Variants in LRMDA observed in about 807,000 individuals in gnomAD.
LRMDA encodes the protein leucine-rich melanocyte differentiation-associated protein.
A neutral mutation model predicts 29.8 loss-of-function variants in LRMDA; 18 were observed. The ratio of observed to expected loss-of-function variants is 0.60; its 90% CI spans 0.42 to 0.90. The LOEUF (loss-of-function observed/expected upper bound fraction) is 0.90, where lower values mean the gene tolerates loss of function less well. LRMDA is among the 40% of genes least tolerant of loss of function. The pLI, the probability that LRMDA is intolerant of heterozygous loss-of-function variation, is 0.00. For missense variants in LRMDA, 273 were observed against 273.9 expected (o/e 1.00, Z 0.02); for synonymous variants, 125 against 109.4 (o/e 1.14, Z -0.89).
chr10:75,479,279 G>A (rs944022590), intron 2 of LRMDA, among the ~76,000 whole-genome samples: 5 of 152,030 alleles, frequency 3.3e-5, no homozygotes, highest in African/African-American at 1.2e-4. Context: ...AGGCCGAGGC[G>A]GGTGGATCAC....
intron 6 of LRMDA, among the ~76,000 whole-genome samples, chr10:76,458,577 C>T (rs1253222605): frequency 2.6e-5 from 4 of 152,162 alleles, no homozygotes; most frequent in Non-Finnish European, 5.9e-5. Context: ...TGAGCTCTGT[C>T]TCTTGGATGA....
intron 4 of LRMDA, among the ~76,000 whole-genome samples, chr10:76,051,305 A>G (rs1848527741): frequency 6.6e-6 from 1 of 152,256 alleles, no homozygotes; most frequent in Non-Finnish European, 1.5e-5. Context: ...CCCACAGAGT[A>G]ATTGCCGGTT....
At chr10:75,515,122 C>G (rs987190585) in intron 2 of LRMDA, among the ~76,000 whole-genome samples, 1 of 152,080 alleles carries the variant, frequency 6.6e-6, no homozygotes, top group Non-Finnish European at 1.5e-5. Context: ...TGAAAGAAGC[C>G]AGATGGCACG....
intron 2 of LRMDA, among the ~76,000 whole-genome samples, chr10:75,932,605 C>T (rs1439628184): frequency 2.0e-5 from 3 of 152,018 alleles, no homozygotes; most frequent in African/African-American, 7.2e-5. Flanking sequence ...GAGTGAGACT[C>T]TATCTCAAAC....
chr10:76,017,383 T>C (rs897041638), intron 2 of LRMDA, among the ~76,000 whole-genome samples: 1 of 152,248 alleles, frequency 6.6e-6, no homozygotes, highest in Non-Finnish European at 1.5e-5. Context: ...GCCCTACTGA[T>C]ACCTTGATTT....
intron 2 of LRMDA, among the ~76,000 whole-genome samples, chr10:75,602,504 G>T (rs1444843675): frequency 6.6e-6 from 1 of 152,142 alleles, no homozygotes; most frequent in Non-Finnish European, 1.5e-5. Flanking sequence ...TCTCCCCAAG[G>T]TCTAATACGG....
intron 5 of LRMDA, among the ~76,000 whole-genome samples, chr10:76,244,178 A>C (rs1022723946): frequency 1.3e-5 from 2 of 152,128 alleles, no homozygotes; most frequent in Non-Finnish European, 2.9e-5. Context: ...TACAAACCTC[A>C]GTTTTCTCAT....
At chr10:75,490,920 C>T (rs565911416) in intron 2 of LRMDA, among the ~76,000 whole-genome samples, 59 of 152,308 alleles carry the variant, frequency 3.9e-4, no homozygotes, top group Non-Finnish European at 7.5e-4. Flanking sequence ...TCTCCTCTCC[C>T]ATCTGATTCC....
chr10:76,346,337 G>T (rs949375582), intron 6 of LRMDA: 1 of 152,154 alleles, frequency 6.6e-6, no homozygotes, highest in Non-Finnish European at 1.5e-5. Flanking sequence ...ATAACTTTGG[G>T]TGATTTATAA....
At chr10:75,661,524 G>T (rs1218860618) in intron 2 of LRMDA, among the ~76,000 whole-genome samples, 2 of 152,202 alleles carry the variant, frequency 1.3e-5, no homozygotes, top group African/African-American at 4.8e-5. Context: ...GTAGCAAGGA[G>T]CTAGTTGGTT....
At chr10:75,913,106 GT>G (rs933129681) in intron 2 of LRMDA, among the ~76,000 whole-genome samples, 3 of 151,898 alleles carry the variant, frequency 2.0e-5, no homozygotes, top group Non-Finnish European at 4.4e-5. Context: ...ACTGCTAGTA[GT>G]TTTTTTTCTT....
chr10:76,375,438 A>G (rs1488140951), intron 6 of LRMDA, among the ~76,000 whole-genome samples: 1 of 152,176 alleles, frequency 6.6e-6, no homozygotes, highest in East Asian at 1.9e-4. Context: ...ACAAGTTTGA[A>G]TTACTTCTGT....
chr10:75,687,055 TC>T (rs1239574432), intron 2 of LRMDA, among the ~76,000 whole-genome samples: 2 of 152,104 alleles, frequency 1.3e-5, no homozygotes, highest in African/African-American at 4.8e-5. Context: ...CATTCTCCCA[TC>T]CCTGTCCCTC....
At position 76,194,512 on chromosome 10, in the gene LRMDA, ATG is replaced by A. The variant is rs566410605; in HGVS notation, c.517-129887_517-129886del. Among the ~76,000 whole-genome samples, 59 of 152,340 alleles carry A rather than the reference ATG, an allele frequency of 3.9e-4. 1 individual carries two copies. Among genetic ancestry groups the A allele is most frequent in the African/African-American group, 1.3e-3 (53 of 41,586 alleles). On this transcript the variant is annotated intron_variant, in intron 5 of 6. Coordinates refer to ENST00000611255, the MANE Select transcript of LRMDA (RefSeq NM_001305581.2). ...GAGCTTGAATCTCACATAGGCTCAC[ATG>A]TCCAGGCATTATTTTGCTGCTTTGA...
At chr10:76,006,322 C>T (rs1236748676) in intron 2 of LRMDA, among the ~76,000 whole-genome samples, 4 of 152,146 alleles carry the variant, frequency 2.6e-5, no homozygotes, top group South Asian at 2.1e-4. Context: ...GGAGAGTCAG[C>T]CTGAGCTCCG....
intron 6 of LRMDA, among the ~76,000 whole-genome samples, chr10:76,335,032 A>G (rs1351741765): frequency 6.6e-6 from 1 of 152,230 alleles, no homozygotes; most frequent in Non-Finnish European, 1.5e-5. Context: ...AACTGAGTTG[A>G]AAGAACTTTC....
chr10:76,152,562 G>A (rs1284085894), intron 5 of LRMDA, among the ~76,000 whole-genome samples: 5 of 152,186 alleles, frequency 3.3e-5, no homozygotes, highest in African/African-American at 4.8e-5. Flanking sequence ...GAATTTCTGG[G>A]TCATATGGTA....
chr10:76,184,701 T>C (rs989684076), intron 5 of LRMDA, among the ~76,000 whole-genome samples: 3 of 152,214 alleles, frequency 2.0e-5, no homozygotes. Flanking sequence ...AGCTCAAGTA[T>C]GTGTTGTGGA....
intron 2 of LRMDA, among the ~76,000 whole-genome samples, chr10:75,988,457 C>A (rs564058438): frequency 2.0e-5 from 3 of 152,018 alleles, no homozygotes; most frequent in Non-Finnish European, 2.9e-5. Flanking sequence ...ATGTCCCACC[C>A]CCAACATGCA....
Sources: allele counts gnomAD v4.1 joint callset (sites outside exome capture counted in the v4.1 genomes callset), GRCh38; gene constraint gnomAD v4.1.1; transcripts MANE v1.5; gene names NCBI Gene and HGNC (gene_info 2026-07-23, HGNC 2026-07-21).